Variants in NOVA1 observed in about 807,000 individuals in gnomAD.
The protein encoded by NOVA1 is RNA-binding protein Nova-1.
In NOVA1, 7 loss-of-function variants were observed where a neutral mutation model predicts 38.0. The ratio of observed to expected loss-of-function variants is 0.18; its 90% CI spans 0.10 to 0.35. The LOEUF (loss-of-function observed/expected upper bound fraction) is 0.35, where lower values mean the gene tolerates loss of function less well. Among genes scored for constraint, NOVA1 ranks in the 10% least tolerant of loss-of-function variants. NOVA1 has a pLI of 1.00. For missense variants in NOVA1, 460 were observed against 616.0 expected, an observed-to-expected ratio of 0.75 and a Z score of 2.68; for synonymous variants, 270 against 232.5, an observed-to-expected ratio of 1.16 and a Z score of -1.47.
intron 2 of NOVA1, among the ~76,000 whole-genome samples, chr14:26,567,440 C>G (rs1330883131): frequency 1.3e-5 from 2 of 151,726 alleles, no homozygotes; most frequent in African/African-American, 4.8e-5. Flanking sequence ...GGACTACAGG[C>G]ACGCGTGACC....
chr14:26,513,387 G>T (rs1022991682), intron 2 of NOVA1, among the ~76,000 whole-genome samples: 7 of 151,764 alleles, frequency 4.6e-5, no homozygotes, highest in African/African-American at 1.7e-4. Flanking sequence ...GGCATTACAT[G>T]CAATGCTTTG....
chr14:26,453,986 C>T (rs183034798), intron 4 of NOVA1, among the ~76,000 whole-genome samples: 2 of 152,124 alleles, frequency 1.3e-5, no homozygotes, highest in East Asian at 3.9e-4. Flanking sequence ...CCCCTGTTTT[C>T]CTCTGGAAAA....
chr14:26,481,044 T>A lies in NOVA1; in HGVS notation c.281-901A>T, dbSNP rs1268276489. Among the ~76,000 whole-genome samples, 8 of 152,090 alleles carry A rather than the reference T, an allele frequency of 5.3e-5. 1 individual carries two copies. The highest frequency in any genetic ancestry group is 3.3e-4 in the Admixed American group (5 of 15,262). The stretch of plus-strand genomic sequence containing the variant: ...CTATTTTATACTTTACAGATATACA[T>A]TAAGGCAATAAAAATAAATTAGTTT... On this transcript the variant is annotated intron_variant, in intron 2 of 4. Transcript: ENST00000539517.
At chr14:26,539,403 T>C (rs1324816768) in intron 2 of NOVA1, among the ~76,000 whole-genome samples, 1 of 152,086 alleles carries the variant, frequency 6.6e-6, no homozygotes, top group Middle Eastern at 3.2e-3. Flanking sequence ...AAACAAAACA[T>C]ACAGGCTTCA....
chr14:26,470,281 T>C lies in NOVA1; in HGVS notation c.519+2039A>G, dbSNP rs957861037. On this transcript the variant is annotated intron_variant, in intron 4 of 4. Coordinates refer to ENST00000539517, the MANE Select transcript of NOVA1 (RefSeq NM_002515.3). ...AGCAAAGCTAAATTAATCAGGACTA[T>C]TGACAAGAAACAAATGAACAACAAA... 6.1e-6 allele frequency: 8 copies of C among 1,321,092 alleles called. No individual in the cohort carries two copies. The African/African-American group carries it at 1.0e-4, about 17-fold the overall frequency. The allele number at this position is 1,321,092 out of a possible 1,614,324, so 81.8% of individuals were successfully genotyped here. A position where few individuals can be genotyped will look rare whatever the true frequency, so the allele number is the denominator to read the frequency against.
intron 2 of NOVA1, among the ~76,000 whole-genome samples, chr14:26,529,219 C>T (rs1391646889): frequency 6.6e-6 from 1 of 151,658 alleles, no homozygotes; most frequent in East Asian, 1.9e-4. Context: ...CTCACAGCAA[C>T]TTCCACCTCC....
At chr14:26,576,730 C>T (rs1892870509) in intron 2 of NOVA1, among the ~76,000 whole-genome samples, 1 of 151,548 alleles carries the variant, frequency 6.6e-6, no homozygotes, top group Non-Finnish European at 1.5e-5. Context: ...AACTTTCTTA[C>T]TCCTCTTGCC....
intron 3 of NOVA1, chr14:26,479,303 T>C (rs1036580963): frequency 3.3e-5 from 5 of 151,996 alleles, no homozygotes; most frequent in African/African-American, 1.2e-4. Context: ...AATAATGTCA[T>C]TTTCCCCCTA....
At chr14:26,536,759 T>C (rs1890128538) in intron 2 of NOVA1, among the ~76,000 whole-genome samples, 1 of 152,146 alleles carries the variant, frequency 6.6e-6, no homozygotes, top group African/African-American at 2.4e-5. Context: ...GACTTTACTA[T>C]GTAAAAATTT....
At chr14:26,542,127 A>G (rs890115945) in intron 2 of NOVA1, among the ~76,000 whole-genome samples, 1 of 151,880 alleles carries the variant, frequency 6.6e-6, no homozygotes, top group Non-Finnish European at 1.5e-5. Context: ...AAAACTTCAT[A>G]TTTCCAACAA....
chr14:26,578,925 G>A (rs978567962), intron 2 of NOVA1, among the ~76,000 whole-genome samples: 1 of 151,148 alleles, frequency 6.6e-6, no homozygotes, highest in African/African-American at 2.4e-5. Context: ...CATCTCTACA[G>A]ATTTTAAAGA....
chr14:26,483,331 G>C (rs1332677392), intron 2 of NOVA1, among the ~76,000 whole-genome samples: 1 of 152,086 alleles, frequency 6.6e-6, no homozygotes, highest in Non-Finnish European at 1.5e-5. Context: ...TGCTTCTCCA[G>C]TTAGAGTTAT....
At chr14:26,553,675 T>C (rs1484263188) in intron 2 of NOVA1, among the ~76,000 whole-genome samples, 5 of 152,014 alleles carry the variant, frequency 3.3e-5, no homozygotes, top group Non-Finnish European at 7.4e-5. Context: ...CTCCAGTTGA[T>C]GGGGACTCAA....
intron 2 of NOVA1, among the ~76,000 whole-genome samples, chr14:26,556,002 CA>C (rs1891458424): frequency 6.6e-6 from 1 of 152,000 alleles, no homozygotes; most frequent in Admixed American, 6.6e-5. Flanking sequence ...TGAAAGAAAT[CA>C]AAGACAATCT....
intron 2 of NOVA1, among the ~76,000 whole-genome samples, chr14:26,558,795 T>C (rs1299391178): frequency 6.6e-6 from 1 of 152,104 alleles, no homozygotes; most frequent in East Asian, 1.9e-4. Flanking sequence ...GACATAACAA[T>C]ATTGATACAT....
intron 2 of NOVA1, chr14:26,549,710 T>C: frequency 7.8e-7 from 1 of 1,287,922 alleles, no homozygotes; most frequent in South Asian, 1.2e-5. Flanking sequence ...TCAGTTTCAC[T>C]CTGCAGATGG....
chr14:26,552,604 TC>T (rs1365328987), intron 2 of NOVA1, among the ~76,000 whole-genome samples: 2 of 151,964 alleles, frequency 1.3e-5, no homozygotes, highest in Admixed American at 1.3e-4. Context: ...ATCCATTGTT[TC>T]CTATGGGTCA....
intron 4 of NOVA1, among the ~76,000 whole-genome samples, chr14:26,456,910 A>G (rs1397661698): frequency 6.6e-6 from 1 of 151,848 alleles, no homozygotes; most frequent in Non-Finnish European, 1.5e-5. Flanking sequence ...AAAATGATGT[A>G]GAAAATAGCA....
At chr14:26,506,672 C>T (rs111940926) in intron 2 of NOVA1, among the ~76,000 whole-genome samples, 3,233 of 152,088 alleles carry the variant, frequency 0.021, 102 homozygotes, top group African/African-American at 0.074. Flanking sequence ...CTCTGCCTCT[C>T]GGGTTCAAGG....
Sources: gnomAD v4.1 joint callset for allele counts (sites outside exome capture counted in the v4.1 genomes callset) on GRCh38, gnomAD v4.1.1 for gene constraint, MANE v1.5 for transcripts, NCBI Gene and HGNC (gene_info 2026-07-23, HGNC 2026-07-21) for gene names.